Variants in ZNF574 observed in about 807,000 individuals in gnomAD.
The protein encoded by ZNF574 is zinc finger protein 574.
Under a neutral mutation model 56.6 loss-of-function variants are expected in ZNF574, and 25 were observed. The ratio of observed to expected loss-of-function variants is 0.44; its 90% CI spans 0.32 to 0.62. ZNF574 has a LOEUF of 0.62. Ranked by LOEUF, ZNF574 falls within the 20% of genes least tolerant of loss-of-function variation. The pLI, the probability that ZNF574 is intolerant of heterozygous loss-of-function variation, is 0.04. For missense variants in ZNF574, 1,065 were observed against 1,218.9 expected (o/e 0.87, Z 1.88); for synonymous variants, 543 against 492.1 (o/e 1.10, Z -1.37).
upstream of ZNF574, among the ~76,000 whole-genome samples, chr19:42,072,778 C>G (rs928294696): frequency 6.6e-6 from 1 of 152,164 alleles, no homozygotes; most frequent in Non-Finnish European, 1.5e-5. Flanking sequence ...GTTGGTCAGG[C>G]TGGTCTTGAA....
chr19:42,069,120 G>C lies in ZNF574; in HGVS notation c.250+159G>C, dbSNP rs2076386642. On this transcript the variant is annotated intron_variant, in intron 1 of 1. Transcript: ENST00000222339. Reference sequence around the variant, plus strand: ...GAGGGCGCAGAGCAGGCCCCTAGTGGGGGAGGGTACTTGCCAGTCCGGAGA... The same window carrying C: ...GAGGGCGCAGAGCAGGCCCCTAGTGCGGGAGGGTACTTGCCAGTCCGGAGA... 6 of 423,928 alleles carry C rather than the reference G, an allele frequency of 1.4e-5. No homozygotes were observed. In the East Asian group the frequency reaches 2.1e-4, roughly 15 times the overall value. 26.3% of individuals were successfully genotyped at this position (423,928 alleles called of 1,614,324 possible). A position where few individuals can be genotyped will look rare whatever the true frequency, so the allele number is the denominator to read the frequency against.
chr19:42,068,700 C>A, exon 1 of ZNF574: 1 of 466,146 alleles, frequency 2.1e-6, no homozygotes, highest in Non-Finnish European at 3.8e-6. Context: ...AGAGAGGGAT[C>A]TAAACAGAGA....
Position 42,081,350 on chromosome 19 carries a change from C to A in ZNF574, c.*53C>A. 1 of 1,605,996 alleles carries A rather than the reference C, an allele frequency of 6.2e-7. No homozygotes were observed. Among genetic ancestry groups the A allele is most frequent in the Non-Finnish European group, 8.5e-7 (1 of 1,172,850 alleles). On this transcript the variant is annotated 3_prime_UTR_variant, in exon 2 of 2. Coordinates refer to ENST00000359044, the MANE Select transcript of ZNF574 (RefSeq NM_022752.6). ...CCATTCCCTGTTGCTGAAGGCCCTC[C>A]AGCATCCCCTTAAGCATCTGTACAT...
upstream of ZNF574, among the ~76,000 whole-genome samples, chr19:42,074,242 G>C (rs2076442452): frequency 6.6e-6 from 1 of 151,966 alleles, no homozygotes; most frequent in Non-Finnish European, 1.5e-5. Context: ...GGATCACGAG[G>C]TCAGGAGATT....
chr19:42,075,569 G>C (rs1302962540), upstream of ZNF574, among the ~76,000 whole-genome samples: 2 of 152,020 alleles, frequency 1.3e-5, no homozygotes, highest in African/African-American at 4.8e-5. Context: ...TTTTAATAAA[G>C]TGAGTCTGGA....
intron 1 of ZNF574, among the ~76,000 whole-genome samples, chr19:42,069,717 G>A (rs963819584): frequency 6.6e-6 from 1 of 151,162 alleles, no homozygotes; most frequent in Non-Finnish European, 1.5e-5. Flanking sequence ...AGAAGTGGGG[G>A]AGGGGAGGGC....
At position 42,080,617 on chromosome 19, in the gene ZNF574, A is replaced by T. The variant is rs1424088344; in HGVS notation, c.2011A>T (p.Thr671Ser). The T allele has an allele frequency of 6.2e-7, 1 of 1,612,620 alleles. No homozygotes were observed. Among genetic ancestry groups the T allele is most frequent in the Non-Finnish European group, 8.5e-7 (1 of 1,179,854 alleles). ...GGCCCCACGGCGCTTTGAGTGTGGC[A>T]CCTGTGGCAAGAAAGTGGGCTCAGC... is the stretch of plus-strand genomic sequence containing the variant. ...AQAPRRFECG[T>S]CGKKVGSAAR... The change falls in exon 2 of 2, where the codon ACC becomes TCC. Residue 671 changes from threonine to serine, a missense_variant. Coordinates refer to ENST00000359044, the MANE Select transcript of ZNF574 (RefSeq NM_022752.6). The surrounding 1 kb of genome is among the most constrained non-coding windows in gnomAD (Gnocchi z 8.5).
At chr19:42,071,351 G>A (rs1021353645), upstream of ZNF574, among the ~76,000 whole-genome samples, 5 of 152,180 alleles carry the variant, frequency 3.3e-5, no homozygotes, top group East Asian at 1.9e-4. Context: ...GGCTGAGCCC[G>A]TGACTCACCA....
chr19:42,073,202 G>A (rs932666661), upstream of ZNF574, among the ~76,000 whole-genome samples: 1 of 152,172 alleles, frequency 6.6e-6, no homozygotes. Flanking sequence ...TCCTAACTAT[G>A]GGAACTACGA....
At chr19:42,076,493 G>T (rs2076456767) in intron 1 of ZNF574, among the ~76,000 whole-genome samples, 1 of 151,650 alleles carries the variant, frequency 6.6e-6, no homozygotes, top group South Asian at 2.1e-4. Flanking sequence ...CTGGAGTCGC[G>T]TGCGGGGCTG....
At chr19:42,072,396 G>A (rs1163125258), upstream of ZNF574, among the ~76,000 whole-genome samples, 3 of 151,182 alleles carry the variant, frequency 2.0e-5, no homozygotes, top group Admixed American at 1.3e-4. Flanking sequence ...CACCACACCC[G>A]GCTAACTTTT....
At chr19:42,071,879 C>A (rs939383023), upstream of ZNF574, among the ~76,000 whole-genome samples, 1 of 152,034 alleles carries the variant, frequency 6.6e-6, no homozygotes, top group Non-Finnish European at 1.5e-5. Context: ...TGGCACACTC[C>A]TTTAGTCCCA....
chr19:42,078,888 C>T lies in ZNF574; in HGVS notation c.282C>T (p.His94=), dbSNP rs1407236340. 2.5e-6 allele frequency: 4 copies of T among 1,614,084 alleles called. No individual in the cohort carries two copies. The highest frequency in any genetic ancestry group is 1.3e-5 in the African/African-American group (1 of 75,016). ...LLMSPSQLLE[H]QELHLKMMAP... Reference sequence around the variant, plus strand: ...TGTCACCCAGCCAGCTCCTGGAGCACCAGGAGCTGCACCTGAAGATGATGG... The same window carrying T: ...TGTCACCCAGCCAGCTCCTGGAGCATCAGGAGCTGCACCTGAAGATGATGG... Residue 94 remains histidine, a synonymous_variant, in exon 2 of 2, where the codon CAC becomes CAT. Coordinates refer to ENST00000359044, the MANE Select transcript of ZNF574 (RefSeq NM_022752.6).
Position 42,079,736 on chromosome 19 carries a change from C to A in ZNF574, c.1130C>A (p.Ala377Asp), listed in dbSNP as rs1390844752. The change falls in exon 2 of 2, where the codon GCC (alanine) becomes GAC (aspartate). Residue 377 changes from alanine to aspartate, a missense_variant. By Grantham distance (126) the Ala-to-Asp change is moderately radical. Transcript: ENST00000359044. The surrounding 1 kb of genome is among the most constrained non-coding windows in gnomAD (Gnocchi z 4.3). ...VDCGLAFGTEALLLAHRRAHT... is the reference protein window; with the variant it reads ...VDCGLAFGTEDLLLAHRRAHT... ...TGTGGCCTGGCCTTCGGCACAGAGG[C>A]CCTCCTCCTGGCCCACCGGCGAGCC... 1 of 1,613,990 alleles carries A rather than the reference C, an allele frequency of 6.2e-7. No individual in the cohort carries two copies.
At chr19:42,076,343 C>A (rs2076455172) in intron 1 of ZNF574, 57 bp downstream of exon 1, 1 of 151,956 alleles carries the variant, frequency 6.6e-6, no homozygotes, top group Non-Finnish European at 1.5e-5. Flanking sequence ...CCGCCGCGGC[C>A]TCCTCTTGCC....
chr19:42,073,476 A>T (rs1209949122), upstream of ZNF574, among the ~76,000 whole-genome samples: 1 of 151,304 alleles, frequency 6.6e-6, no homozygotes, highest in Admixed American at 6.6e-5. Flanking sequence ...GCTTGAGCCC[A>T]GGAGTTCTGA....
chr19:42,070,851 G>A (rs563397468), intron 1 of ZNF574: 13 of 152,952 alleles, frequency 8.5e-5, no homozygotes, highest in African/African-American at 3.1e-4. Context: ...GAGAGCCGAA[G>A]AAGGTCACAG....
Position 42,080,136 on chromosome 19 carries a change from G to A in ZNF574, c.1530G>A (p.Val510=). The change falls in exon 2 of 2, where the codon GTG becomes GTA. Residue 510 remains valine (V), a synonymous_variant. Coordinates refer to ENST00000359044, the MANE Select transcript of ZNF574 (RefSeq NM_022752.6). The surrounding 1 kb of genome is among the most constrained non-coding windows in gnomAD (Gnocchi z 8.5). ...AGATGTTCAAGAAGAAGTCTCACGT[G>A]CGTAACCACCTGCGCACACACACAG... ...CGKMFKKKSH[V]RNHLRTHTGE... 1 of 1,614,084 alleles carries A rather than the reference G, an allele frequency of 6.2e-7. No individual in the cohort carries two copies. Among genetic ancestry groups the A allele is most frequent in the Non-Finnish European group, 8.5e-7 (1 of 1,180,040 alleles).
In ZNF574 at chr19:42,078,756, T is replaced by G. The variant is rs148740674; in HGVS notation, c.150T>G (p.Ala50=). 6.8e-6 allele frequency: 11 copies of G among 1,613,940 alleles called. No homozygotes were observed. The African/African-American group carries it at 1.5e-4, about 22-fold the overall frequency. The part of the protein sequence containing the change: ...PQQHFELVGV[A]DPGVTVATDT... ...AGCACTTTGAGCTGGTGGGCGTGGC[T>G]GATCCCGGAGTCACTGTGGCCACAG... The change falls in exon 2 of 2, where the codon GCT becomes GCG. Residue 50 remains alanine, a synonymous_variant. Coordinates refer to ENST00000359044, the MANE Select transcript of ZNF574 (RefSeq NM_022752.6).
Sources: gnomAD v4.1 joint callset for allele counts (sites outside exome capture counted in the v4.1 genomes callset) on GRCh38, gnomAD v4.1.1 for gene constraint, Gnocchi (gnomAD v3.1) non-coding constraint, MANE v1.5 for transcripts, NCBI Gene and HGNC (gene_info 2026-07-23, HGNC 2026-07-21) for gene names.